TFCP2: variants seen among roughly 807,000 people sequenced by gnomAD.
The protein encoded by TFCP2 is alpha-globin transcription factor CP2.
A neutral mutation model predicts 73.4 loss-of-function variants in TFCP2; 33 were observed. The observed-to-expected ratio is 0.45, with a 90% CI of 0.34 to 0.60. TFCP2 has a LOEUF of 0.60. Among genes scored for constraint, TFCP2 ranks in the 20% least tolerant of loss-of-function variants. The probability of loss-of-function intolerance (pLI) is 0.01; values close to 1 mark genes in which losing one functional copy is unlikely to be tolerated. For synonymous variants in TFCP2, 193 were observed against 211.6 expected (o/e 0.91, Z 0.76); for missense variants, 352 against 604.0 (o/e 0.58, Z 4.37).
chr12:51,118,480 G>A (rs1252284314), intron 2 of TFCP2, 141 bp downstream of exon 2: 21 of 964,184 alleles, frequency 2.2e-5, no homozygotes, highest in South Asian at 1.3e-4. Flanking sequence ...GTGTGAACCC[G>A]GGAGGCAGAG....
intron 1 of TFCP2, among the ~76,000 whole-genome samples, chr12:51,170,343 C>CTTTTTTTTTTTTT (rs4026184): frequency 6.8e-6 from 1 of 147,128 alleles, no homozygotes; most frequent in East Asian, 2.0e-4. Context: ...TAAAATCTTT[C>CTTTTTTTTTTTTT]TTTTTTTTTA....
intron 1 of TFCP2, among the ~76,000 whole-genome samples, chr12:51,157,682 TTTTC>T (rs1168881881): frequency 7.0e-3 from 57 of 8,152 alleles, no homozygotes; most frequent in South Asian, 0.034. Context: ...TTTTCTTTTC[TTTTC>T]TTTTTTTTTT....
intron 1 of TFCP2, chr12:51,125,481 T>C: frequency 2.7e-6 from 1 of 365,890 alleles, no homozygotes; most frequent in East Asian, 7.2e-5. Context: ...TATTTTTCTA[T>C]TGTTCTGTCT....
At chr12:51,099,259 G>C (rs1028957282) in intron 12 of TFCP2, among the ~76,000 whole-genome samples, 1 of 152,162 alleles carries the variant, frequency 6.6e-6, no homozygotes, top group African/African-American at 2.4e-5. Context: ...GCTGAGGCAG[G>C]GAGATCGCTT....
At chr12:51,172,278 G>C (rs1241783357) in intron 1 of TFCP2, 23 bp downstream of exon 1, 2 of 1,613,606 alleles carry the variant, frequency 1.2e-6, no homozygotes. Context: ...AGAAGGTGTA[G>C]GGTCTGGGAA....
chr12:51,139,643 G>A (rs969137886), intron 1 of TFCP2, among the ~76,000 whole-genome samples: 1 of 152,134 alleles, frequency 6.6e-6, no homozygotes, highest in Non-Finnish European at 1.5e-5. Context: ...CTCCTAAAGT[G>A]CTGACATGAC....
At chr12:51,138,325 T>G (rs956460035) in intron 1 of TFCP2, among the ~76,000 whole-genome samples, 5 of 151,858 alleles carry the variant, frequency 3.3e-5, no homozygotes, top group African/African-American at 1.2e-4. Flanking sequence ...CCTGGCTAAT[T>G]TTTGTATTTT....
intron 1 of TFCP2, among the ~76,000 whole-genome samples, chr12:51,129,320 C>T (rs1301577202): frequency 7.3e-5 from 11 of 151,414 alleles, no homozygotes; most frequent in African/African-American, 1.9e-4. Context: ...GAGACCAGCC[C>T]GGCCAACATG....
chr12:51,145,996 A>G (rs922011671), intron 1 of TFCP2, among the ~76,000 whole-genome samples: 1 of 151,980 alleles, frequency 6.6e-6, no homozygotes, highest in African/African-American at 2.4e-5. Context: ...AAGACACATA[A>G]AGAGAGGGAA....
Position 51,124,619 on chromosome 12 carries a change from G to A in TFCP2, c.123-5847C>T, listed in dbSNP as rs541424165. On this transcript the variant is annotated intron_variant, in intron 1 of 14. Coordinates refer to ENST00000257915, the MANE Select transcript of TFCP2 (RefSeq NM_005653.5). ...GCCGGAGGAGCGGACTGCCCCGCCG[G>A]CAGGTAGGTCATGTTCCGAGAGCCT... 6.7e-5 allele frequency: 36 copies of A among 537,946 alleles called. 1 individual carries two copies. The highest frequency in any genetic ancestry group is 9.7e-5 in the Non-Finnish European group (27 of 279,236). The allele number at this position is 537,946 out of a possible 1,614,324, so 33.3% of individuals were successfully genotyped here.
At chr12:51,133,026 A>G (rs952247695) in intron 1 of TFCP2, among the ~76,000 whole-genome samples, 1 of 152,190 alleles carries the variant, frequency 6.6e-6, no homozygotes, top group Non-Finnish European at 1.5e-5. Flanking sequence ...TTGTTATGCA[A>G]TAAGATAACA....
chr12:51,147,531 G>GA (rs1941324945), intron 1 of TFCP2, among the ~76,000 whole-genome samples: 1 of 151,668 alleles, frequency 6.6e-6, no homozygotes, highest in Non-Finnish European at 1.5e-5. Context: ...GGAAGAGGTG[G>GA]GGGGGGAAAG....
At position 51,132,357 on chromosome 12, in the gene TFCP2, C is replaced by CTTTTTTTTTTTTTTTTTT. The variant is rs869123355; in HGVS notation, c.123-13603_123-13586dup. 4.9e-5 allele frequency among the ~76,000 whole-genome samples: 3 copies of CTTTTTTTTTTTTTTTTTT among 61,790 alleles called. 1 individual carries two copies. The highest frequency in any genetic ancestry group is 1.7e-4 in the African/African-American group (3 of 17,232). The allele number at this position is 61,790 out of a possible 152,430, so 40.5% of individuals were successfully genotyped here. ...TGCAAGTTCTGGTTTAGGGATTAGT[C>CTTTTTTTTTTTTTTTTTT]TTTTTTTTTTTTTTTTTTTTTTTTT... is the stretch of plus-strand genomic sequence containing the variant. On this transcript the variant is annotated intron_variant, in intron 1 of 14. Coordinates refer to ENST00000257915, the MANE Select transcript of TFCP2 (RefSeq NM_005653.5).
At chr12:51,132,796 C>G (rs1198064875) in intron 1 of TFCP2, among the ~76,000 whole-genome samples, 3 of 152,094 alleles carry the variant, frequency 2.0e-5, no homozygotes, top group Non-Finnish European at 4.4e-5. Flanking sequence ...GAGGGGAAGA[C>G]CCTGAGGCCA....
chr12:51,102,212 A>C (rs1940126973), intron 10 of TFCP2, among the ~76,000 whole-genome samples, 187 bp from the exon 11 acceptor site: 1 of 151,744 alleles, frequency 6.6e-6, no homozygotes, highest in Admixed American at 6.6e-5. Flanking sequence ...CCCCCAATTA[A>C]CCTCCCCACT....
chr12:51,143,239 T>G (rs74369453), intron 1 of TFCP2, among the ~76,000 whole-genome samples: 1,663 of 151,982 alleles, frequency 0.011, 18 homozygotes, highest in South Asian at 0.022. Context: ...CACTGCCTTT[T>G]GGATGTCTCT....
chr12:51,131,588 A>C lies in TFCP2; in HGVS notation c.123-12816T>G, dbSNP rs1940946152. 2.6e-5 allele frequency among the ~76,000 whole-genome samples: 4 copies of C among 152,356 alleles called. No homozygotes were observed. The South Asian group carries it at 8.3e-4, about 32-fold the overall frequency. On this transcript the variant is annotated intron_variant, in intron 1 of 14. Coordinates refer to ENST00000257915, the MANE Select transcript of TFCP2 (RefSeq NM_005653.5). ...ATGAACTATGCTCTCAGTATAATGA[A>C]TGATACTCTCAGATCTTCTAAACTG...
At chr12:51,169,640 T>C (rs1941821640) in intron 1 of TFCP2, among the ~76,000 whole-genome samples, 1 of 152,216 alleles carries the variant, frequency 6.6e-6, no homozygotes, top group Non-Finnish European at 1.5e-5. Flanking sequence ...AGAGGATCAC[T>C]TGAGCCCGGG....
At chr12:51,165,754 T>A (rs538942637) in intron 1 of TFCP2, among the ~76,000 whole-genome samples, 1 of 152,198 alleles carries the variant, frequency 6.6e-6, no homozygotes, top group Non-Finnish European at 1.5e-5. Flanking sequence ...AATGATAGAA[T>A]TTTATGTTAT....
Sources: gnomAD v4.1 joint callset for allele counts (sites outside exome capture counted in the v4.1 genomes callset) on GRCh38, gnomAD v4.1.1 for gene constraint, MANE v1.5 for transcripts, NCBI Gene and HGNC (gene_info 2026-07-23, HGNC 2026-07-21) for gene names.